Variants in DNAH11 observed in about 807,000 individuals in gnomAD.
DNAH11 encodes axonemal beta dynein heavy chain 11.
In DNAH11, 442 loss-of-function variants were observed where a neutral mutation model predicts 526.0. The observed-to-expected ratio is 0.84, with a 90% CI of 0.78 to 0.91. The LOEUF (loss-of-function observed/expected upper bound fraction) is 0.91, where lower values mean the gene tolerates loss of function less well. Ranked by LOEUF, DNAH11 falls within the 40% of genes least tolerant of loss-of-function variation. The probability of loss-of-function intolerance (pLI) is 0.00; values close to 1 mark genes in which losing one functional copy is unlikely to be tolerated. For synonymous variants in DNAH11, 2,461 were observed against 1,935.9 expected, an observed-to-expected ratio of 1.27 and a Z score of -7.12; for missense variants, 6,989 against 5,448.7, an observed-to-expected ratio of 1.28 and a Z score of -8.90.
intron 55 of DNAH11, among the ~76,000 whole-genome samples, chr7:21,769,399 C>A (rs1056137337): frequency 6.6e-5 from 10 of 152,152 alleles, no homozygotes; most frequent in African/African-American, 2.4e-4. Context: ...GCTGACCTTA[C>A]CAGAAGCAGC....
At chr7:21,755,267 C>T (rs77878970) in intron 54 of DNAH11, among the ~76,000 whole-genome samples, 8,185 of 152,260 alleles carry the variant, frequency 0.054, 308 homozygotes, top group Middle Eastern at 0.11. Flanking sequence ...AATAGCAATG[C>T]CAAATGCCTT....
At chr7:21,546,250 CAA>C (rs1258542983) in intron 2 of DNAH11, among the ~76,000 whole-genome samples, 2 of 152,182 alleles carry the variant, frequency 1.3e-5, no homozygotes, top group African/African-American at 2.4e-5. Context: ...CTGGACTAAC[CAA>C]AGTCTCTCAC....
intron 76 of DNAH11, among the ~76,000 whole-genome samples, chr7:21,885,169 T>TGTAAAAAAAAAAAAAAAAAA (rs367811733): frequency 1.1e-5 from 1 of 89,426 alleles, no homozygotes; most frequent in African/African-American, 3.6e-5. Flanking sequence ...CCAAATGAAC[T>TGTAAAAAAAAAAAAAAAAAA]ATAAAAAAAA....
chr7:21,708,071 A>G (rs1160621633), intron 40 of DNAH11, among the ~76,000 whole-genome samples: 1 of 152,236 alleles, frequency 6.6e-6, no homozygotes, highest in Non-Finnish European at 1.5e-5. Flanking sequence ...TCCCACGTCA[A>G]TTATGTCAGG....
intron 72 of DNAH11, among the ~76,000 whole-genome samples, chr7:21,868,451 G>T (rs547705977): frequency 6.6e-6 from 1 of 151,972 alleles, no homozygotes; most frequent in Non-Finnish European, 1.5e-5. Flanking sequence ...TTTAAATGCA[G>T]TCTCACAAGG....
At chr7:21,812,138 A>G (rs1789552168) in intron 63 of DNAH11, among the ~76,000 whole-genome samples, 1 of 152,206 alleles carries the variant, frequency 6.6e-6, no homozygotes, top group African/African-American at 2.4e-5. Flanking sequence ...TGGAATCATC[A>G]TCTACATGGG....
intron 60 of DNAH11, 81 bp downstream of exon 60, chr7:21,787,664 GT>G: frequency 7.9e-7 from 1 of 1,263,834 alleles, no homozygotes; most frequent in South Asian, 1.9e-5. Context: ...AGCGAGAAGA[GT>G]AAAATTTGTT....
chr7:21,669,133 CTATT>C (rs2128468773), intron 30 of DNAH11, among the ~76,000 whole-genome samples: 1 of 152,200 alleles, frequency 6.6e-6, no homozygotes, highest in East Asian at 1.9e-4. Flanking sequence ...TGTGAAGTAT[CTATT>C]AAAATCTTTT....
intron 46 of DNAH11, among the ~76,000 whole-genome samples, chr7:21,738,454 C>CA (rs1257694169): frequency 6.6e-6 from 1 of 152,094 alleles, no homozygotes; most frequent in Non-Finnish European, 1.5e-5. Flanking sequence ...TGTCATGCTG[C>CA]ACGTGCTGCA....
intron 5 of DNAH11, chr7:21,561,427 G>A (rs993352252): frequency 1.2e-5 from 4 of 343,856 alleles, no homozygotes; most frequent in Non-Finnish European, 2.1e-5. Flanking sequence ...TTGTGGAGGA[G>A]TGAGGCCTTC....
chr7:21,588,414 A>T, intron 10 of DNAH11, 98 bp from the exon 11 acceptor site: 1 of 1,462,658 alleles, frequency 6.8e-7, no homozygotes, highest in Non-Finnish European at 9.4e-7. Flanking sequence ...GTTTTATACT[A>T]CTGTAAAAAT....
intron 74 of DNAH11, among the ~76,000 whole-genome samples, chr7:21,874,191 C>G (rs1222974425): frequency 6.6e-6 from 1 of 151,114 alleles, no homozygotes; most frequent in African/African-American, 2.4e-5. Context: ...ACAGTAATGA[C>G]ATGGTAAAAG....
intron 40 of DNAH11, among the ~76,000 whole-genome samples, chr7:21,710,079 C>T (rs1006987476): frequency 2.6e-5 from 4 of 152,146 alleles, no homozygotes; most frequent in African/African-American, 2.4e-5. Flanking sequence ...GAACACATTT[C>T]TGTAAGAGAT....
chr7:21,653,634 G>A (rs2128464450), intron 28 of DNAH11, among the ~76,000 whole-genome samples: 1 of 152,282 alleles, frequency 6.6e-6, no homozygotes, highest in South Asian at 2.1e-4. Flanking sequence ...TGAATTATGA[G>A]ATTAGTGGAG....
At chr7:21,712,924 C>G (rs1474004467) in intron 42 of DNAH11, among the ~76,000 whole-genome samples, 1 of 152,160 alleles carries the variant, frequency 6.6e-6, no homozygotes, top group African/African-American at 2.4e-5. Context: ...ATGTTAAGAA[C>G]TCAGTAAATA....
In DNAH11 at chr7:21,717,790, G is replaced by A. The variant is rs1189902593; in HGVS notation, c.6999G>A (p.Trp2333Ter). The change falls in exon 43 of 82, where the codon TGG becomes TGA. Residue 2333 changes from tryptophan to a stop codon, truncating the protein, a stop_gained. Transcript: ENST00000409508. LOFTEE classifies it high-confidence loss of function. ...DLGWNPYVAS[W>*]IDRRRHQSEK... ...TCCTTTTCAGGTATGTGGCCAGTTGGATAGACAGAAGGCGGCATCAATCAG... is the reference window on the plus strand; with the variant it reads ...TCCTTTTCAGGTATGTGGCCAGTTGAATAGACAGAAGGCGGCATCAATCAG... 6.2e-7 allele frequency: 1 copy of A among 1,613,752 alleles called. No homozygotes were observed. The highest frequency in any genetic ancestry group is 1.7e-5 in the Admixed American group (1 of 59,944).
chr7:21,567,872 C>G (rs1161352831), intron 6 of DNAH11, among the ~76,000 whole-genome samples: 1 of 152,232 alleles, frequency 6.6e-6, no homozygotes, highest in Non-Finnish European at 1.5e-5. Flanking sequence ...GTAGTGGGGT[C>G]TTAATGCCTT....
intron 25 of DNAH11, among the ~76,000 whole-genome samples, chr7:21,627,598 G>T (rs1463089911): frequency 6.6e-6 from 1 of 151,950 alleles, no homozygotes; most frequent in Admixed American, 6.6e-5. Context: ...AAATGTATGG[G>T]TTTATATCTT....
chr7:21,550,383 G>C (rs1216720472), intron 2 of DNAH11, among the ~76,000 whole-genome samples: 1 of 152,168 alleles, frequency 6.6e-6, no homozygotes, highest in African/African-American at 2.4e-5. Flanking sequence ...ACAGGGTGGA[G>C]TATATGGCCA....
Sources: gnomAD v4.1 joint callset for allele counts (sites outside exome capture counted in the v4.1 genomes callset) on GRCh38, gnomAD v4.1.1 for gene constraint, MANE v1.5 for transcripts, NCBI Gene and HGNC (gene_info 2026-07-23, HGNC 2026-07-21) for gene names.